The following RHEX variants were observed in gnomAD, a reference collection of about 807,000 sequenced individuals.
The protein encoded by RHEX is regulator of hemoglobinization and erythroid cell expansion.
In RHEX, 18 loss-of-function variants were observed where a neutral mutation model predicts 20.1. The observed-to-expected ratio is 0.90, with a 90% CI of 0.62 to 1.33. RHEX has a LOEUF of 1.33. Among genes scored for constraint, RHEX ranks in the 40% most tolerant of loss-of-function variants. The pLI, the probability that RHEX is intolerant of heterozygous loss-of-function variation, is 0.00. For missense variants in RHEX, 192 were observed against 214.3 expected, an observed-to-expected ratio of 0.90 and a Z score of 0.65; for synonymous variants, 87 against 77.1, an observed-to-expected ratio of 1.13 and a Z score of -0.67.
chr1:206,101,820 G>C lies in RHEX; in HGVS notation c.387G>C (p.Pro129=). The C allele has an allele frequency of 3.7e-6, 6 of 1,613,896 alleles. No individual in the cohort carries two copies. The highest frequency in any genetic ancestry group is 4.2e-6 in the Non-Finnish European group (5 of 1,179,938). Residue 129 remains proline (P), a synonymous_variant, in exon 6 of 6, where the codon CCG becomes CCC. Coordinates refer to ENST00000331555, the MANE Select transcript of RHEX (RefSeq NM_001007544.4). ...SDPGELKNDS[P]LDYENIKEIT... is the part of the protein sequence containing the mutation. ...CTGGAGAACTAAAAAATGACTCCCC[G>C]CTGGACTATGAGAACATAAAGGAAA...
At position 206,101,182 on chromosome 1, in the gene RHEX, G is replaced by A. The variant is rs75501563; in HGVS notation, c.303G>A (p.Ser101=). 2,770 of 1,611,890 alleles carry A rather than the reference G, an allele frequency of 1.7e-3. 54 individuals carry two copies. In the African/African-American group the frequency reaches 0.034, roughly 20 times the overall value. The change falls in exon 5 of 6, where the codon TCG becomes TCA. Residue 101 remains serine (S), a synonymous_variant. Transcript: ENST00000331555. The stretch of plus-strand genomic sequence containing the variant: ...ATAGCTTGGATAGCTCCTGCAGTTC[G>A]CCTCCTGCCTGCCAGGTAATGGATG... ...PSDSLDSSCS[S]PPACQATEDV...
At chr1:206,068,249 C>A (rs1662466410) in intron 1 of RHEX, among the ~76,000 whole-genome samples, 1 of 151,768 alleles carries the variant, frequency 6.6e-6, no homozygotes, top group African/African-American at 2.4e-5. Context: ...GGTTCAAGAC[C>A]AAATAAGGAG....
intron 1 of RHEX, 64 bp downstream of exon 1, chr1:206,053,329 G>A (rs1273346132): frequency 2.0e-5 from 3 of 152,668 alleles, no homozygotes; most frequent in South Asian, 4.1e-4. Context: ...GATCACCCAC[G>A]ACATGCCTGC....
chr1:206,093,942 G>C (rs1571871792), intron 1 of RHEX, among the ~76,000 whole-genome samples: 1 of 152,102 alleles, frequency 6.6e-6, no homozygotes, highest in Non-Finnish European at 1.5e-5. Context: ...CTCTCCCAAA[G>C]TGCTGAGATT....
At chr1:206,066,895 T>C (rs1662433438) in intron 1 of RHEX, among the ~76,000 whole-genome samples, 1 of 152,198 alleles carries the variant, frequency 6.6e-6, no homozygotes, top group Non-Finnish European at 1.5e-5. Flanking sequence ...AGGTGAAACA[T>C]AAGGCACAAA....
chr1:206,100,081 T>G (rs1663157814), intron 4 of RHEX, among the ~76,000 whole-genome samples: 1 of 152,234 alleles, frequency 6.6e-6, no homozygotes, highest in Non-Finnish European at 1.5e-5. Context: ...CTCTTCTCTT[T>G]GTAAAGCCAT....
At chr1:206,079,783 T>C (rs1662703129) in intron 1 of RHEX, among the ~76,000 whole-genome samples, 1 of 152,194 alleles carries the variant, frequency 6.6e-6, no homozygotes, top group South Asian at 2.1e-4. Context: ...CTCAAACTCC[T>C]GACCTTGTGA....
chr1:206,054,097 T>TA (rs72482039), intron 1 of RHEX, among the ~76,000 whole-genome samples: 2,418 of 132,260 alleles, frequency 0.018, 65 homozygotes, highest in African/African-American at 0.065. Context: ...AAGTTTGCTT[T>TA]AAAAAAAAAA....
rs541472187 is a variant in RHEX, at chr1:206,077,565, A to C, written c.-96-20168A>C. On this transcript the variant is annotated intron_variant, in intron 1 of 5. Coordinates refer to ENST00000331555, the MANE Select transcript of RHEX (RefSeq NM_001007544.4). ...GGAGGGAGGATGACTTGAGGGTAGGAGGTCAAGACCAGCTTGGTTAACCTA... is the reference window on the plus strand; with the variant it reads ...GGAGGGAGGATGACTTGAGGGTAGGCGGTCAAGACCAGCTTGGTTAACCTA... Among the ~76,000 whole-genome samples the C allele has an allele frequency of 4.5e-4, 69 of 152,316 alleles. 1 individual carries two copies. The South Asian group carries it at 8.3e-3, about 18-fold the overall frequency.
intron 1 of RHEX, among the ~76,000 whole-genome samples, chr1:206,069,347 C>T (rs1207870439): frequency 5.3e-5 from 8 of 152,184 alleles, no homozygotes; most frequent in Admixed American, 1.3e-4. Flanking sequence ...GAAAACCTAC[C>T]GCAGGATCTT....
intron 1 of RHEX, among the ~76,000 whole-genome samples, chr1:206,062,975 G>A (rs1454598746): frequency 1.3e-5 from 2 of 152,180 alleles, no homozygotes; most frequent in African/African-American, 4.8e-5. Context: ...CACACAAAAT[G>A]TCAGATGGTG....
At chr1:206,088,166 GA>G in intron 1 of RHEX, among the ~76,000 whole-genome samples, 1 of 151,846 alleles carries the variant, frequency 6.6e-6, no homozygotes, top group East Asian at 1.9e-4. Flanking sequence ...TTCTTAATTG[GA>G]AAAAATGCAT....
intron 1 of RHEX, among the ~76,000 whole-genome samples, chr1:206,076,409 A>G (rs1157595848): frequency 6.6e-6 from 1 of 152,032 alleles, no homozygotes; most frequent in African/African-American, 2.4e-5. Context: ...CAAGCGATCC[A>G]CCCTCCTCGA....
intron 1 of RHEX, among the ~76,000 whole-genome samples, chr1:206,059,260 C>T (rs1255900758): frequency 6.6e-6 from 1 of 152,152 alleles, no homozygotes; most frequent in East Asian, 1.9e-4. Flanking sequence ...ACCCTCCATC[C>T]AGTAGCTGTC....
chr1:206,082,125 C>T (rs797039393), intron 1 of RHEX, among the ~76,000 whole-genome samples: 4 of 152,272 alleles, frequency 2.6e-5, no homozygotes, highest in South Asian at 2.1e-4. Context: ...CAGCAATAGA[C>T]GTAGTTCCAC....
At chr1:206,089,102 C>T (rs1373760755) in intron 1 of RHEX, among the ~76,000 whole-genome samples, 2 of 152,116 alleles carry the variant, frequency 1.3e-5, no homozygotes, top group Non-Finnish European at 2.9e-5. Flanking sequence ...AGAAATAACT[C>T]CCAAGAATGG....
chr1:206,075,513 T>G (rs1662620972), intron 1 of RHEX, among the ~76,000 whole-genome samples: 1 of 152,030 alleles, frequency 6.6e-6, no homozygotes, highest in South Asian at 2.1e-4. Context: ...TAAACTATTG[T>G]GGTGACAAAG....
chr1:206,088,955 G>A (rs1354901710), intron 1 of RHEX, among the ~76,000 whole-genome samples: 1 of 152,034 alleles, frequency 6.6e-6, no homozygotes, highest in South Asian at 2.1e-4. Context: ...AAGTATCTGG[G>A]AGTACAGGTG....
intron 1 of RHEX, among the ~76,000 whole-genome samples, chr1:206,097,362 G>A (rs547295017): frequency 6.6e-6 from 1 of 152,264 alleles, no homozygotes; most frequent in African/African-American, 2.4e-5. Flanking sequence ...ATGGACGAAT[G>A]GAGAGAGGGC....
Sources: gnomAD v4.1 joint callset for allele counts (sites outside exome capture counted in the v4.1 genomes callset) on GRCh38, gnomAD v4.1.1 for gene constraint, MANE v1.5 for transcripts, NCBI Gene and HGNC (gene_info 2026-07-23, HGNC 2026-07-21) for gene names.